CNGA3: variants seen among roughly 807,000 people sequenced by gnomAD.
CNGA3 encodes cyclic nucleotide gated channel subunit alpha 3.
In CNGA3, 42 loss-of-function variants were observed where a neutral mutation model predicts 46.6. That is an observed-to-expected ratio of 0.90 (90% CI 0.70 to 1.17). The LOEUF (loss-of-function observed/expected upper bound fraction) is 1.17, where lower values mean the gene tolerates loss of function less well. CNGA3 is among the 50% of genes most tolerant of loss of function. The probability of loss-of-function intolerance (pLI) is 0.00; values close to 1 mark genes in which losing one functional copy is unlikely to be tolerated. For missense variants in CNGA3, 893 were observed against 890.7 expected (o/e 1.00, Z -0.03); for synonymous variants, 394 against 369.4 (o/e 1.07, Z -0.76).
In CNGA3 at chr2:98,369,241, G is replaced by A. The variant is rs533193261; in HGVS notation, c.-37-698G>A. On this transcript the variant is annotated intron_variant, in intron 1 of 7. Transcript: ENST00000272602. ...GATGGAATTGGTTAGGTCTTATGTC[G>A]TTCACTGACATAATTTTCTTAGTTA... Among the ~76,000 whole-genome samples, 325 of 152,302 alleles carry A rather than the reference G, an allele frequency of 2.1e-3. 1 individual carries two copies. The highest frequency in any genetic ancestry group is 0.012 in the South Asian group (58 of 4,828).
At chr2:98,392,580 A>AAAAGAAAAGG (rs1377892662) in intron 7 of CNGA3, among the ~76,000 whole-genome samples, 1 of 150,774 alleles carries the variant, frequency 6.6e-6, no homozygotes, top group African/African-American at 2.5e-5. Flanking sequence ...AAAAAAAAAG[A>AAAAGAAAAGG]AAAGAAAAGA....
At chr2:98,391,784 CAG>C (rs1558817884) in intron 6 of CNGA3, 78 bp from the exon 7 acceptor site, 7 of 1,362,646 alleles carry the variant, frequency 5.1e-6, no homozygotes, top group Non-Finnish European at 7.3e-6. Context: ...GTCTTCCACA[CAG>C]AGCCCGTGCC....
At position 98,380,130 on chromosome 2, in the gene CNGA3, G is replaced by A. The variant is rs763783538; in HGVS notation, c.216-45G>A. The A allele has an allele frequency of 4.4e-6, 7 of 1,608,668 alleles. No homozygotes were observed. The South Asian group carries it at 7.7e-5, about 18-fold the overall frequency. ...AAAGACTGGGGTTTGGGGGTGTGGG[G>A]GGCTTTTCCTCTCCCTCTGGCTCAG... On this transcript the variant is annotated intron_variant, in intron 3 of 7. Transcript: ENST00000272602.
chr2:98,389,685 C>G lies in CNGA3; in HGVS notation c.477C>G (p.Ile159Met). ...EEKKTKKKDA[I>M]VVDPSSNLYY... ...AGAAGACGAAAAAGAAGGATGCGATCGTGGTGGACCCGTCCAGCAACCTGT... is the reference window on the plus strand; with the variant it reads ...AGAAGACGAAAAAGAAGGATGCGATGGTGGTGGACCCGTCCAGCAACCTGT... Residue 159 changes from isoleucine (I) to methionine (M), a missense_variant, in exon 6 of 8, where the codon ATC (isoleucine) becomes ATG (methionine). This residue lies in a region of CNGA3 where 333 missense variants were observed against 290.8 expected (regional missense o/e 1.15). Coordinates refer to ENST00000272602, the MANE Select transcript of CNGA3 (RefSeq NM_001298.3). 6.2e-7 allele frequency: 1 copy of G among 1,613,868 alleles called. No individual in the cohort carries two copies. Among genetic ancestry groups the G allele is most frequent in the Non-Finnish European group, 8.5e-7 (1 of 1,180,018 alleles).
rs753877028 is a variant in CNGA3, at chr2:98,397,060, G to A, written c.1890G>A (p.Val630=). Residue 630 remains valine (V), a synonymous_variant, in exon 8 of 8, where the codon GTG becomes GTA. Transcript: ENST00000272602. ...GADPKDLEEK[V]EQLGSSLDTL... The stretch of plus-strand genomic sequence containing the variant: ...ACCCCAAGGACCTTGAGGAGAAAGT[G>A]GAGCAGCTGGGGTCCTCCCTGGACA... 6.2e-7 allele frequency: 1 copy of A among 1,614,132 alleles called. No homozygotes were observed. Among genetic ancestry groups the A allele is most frequent in the South Asian group, 1.1e-5 (1 of 91,068 alleles).
chr2:98,371,707 A>T (rs1029725965), intron 2 of CNGA3, among the ~76,000 whole-genome samples: 1 of 152,228 alleles, frequency 6.6e-6, no homozygotes, highest in Non-Finnish European at 1.5e-5. Flanking sequence ...TAGTCCTCTA[A>T]GTTAAGGCAT....
chr2:98,396,524 G>A lies in CNGA3; in HGVS notation c.1354G>A (p.Asp452Asn), dbSNP rs781348502. ...CCTGTGGGCCAACAAGAAGACGGTG[G>A]ATGAGAAGGAGGTGCTCAAGAGCCT... ...DYLWANKKTV[D>N]EKEVLKSLPD... Residue 452 changes from aspartate to asparagine, a missense_variant, in exon 8 of 8, where the codon GAT becomes AAT. Asp to Asn is a conservative substitution (Grantham distance 23). Around this residue, in one of 3 missense-constraint regions of CNGA3, gnomAD observed 548 missense variants for 570.8 expected, o/e 0.96. Transcript: ENST00000272602. 2 of 1,614,060 alleles carry A rather than the reference G, an allele frequency of 1.2e-6. No homozygotes were observed. Among genetic ancestry groups the A allele is most frequent in the Non-Finnish European group, 1.7e-6 (2 of 1,180,022 alleles).
At chr2:98,395,673 A>G (rs1692893440) in intron 7 of CNGA3, among the ~76,000 whole-genome samples, 171 bp from the exon 8 acceptor site, 1 of 152,190 alleles carries the variant, frequency 6.6e-6, no homozygotes, top group African/African-American at 2.4e-5. Flanking sequence ...TAGAATAGAA[A>G]ATATCAGAGT....
intron 6 of CNGA3, 115 bp from the exon 7 acceptor site, chr2:98,391,749 C>T: frequency 2.1e-6 from 2 of 932,502 alleles, no homozygotes; most frequent in Non-Finnish European, 3.5e-6. Context: ...GCAGGCAGGG[C>T]CATTCCCATA....
chr2:98,364,211 C>T (rs1692096794), intron 1 of CNGA3, among the ~76,000 whole-genome samples: 1 of 152,044 alleles, frequency 6.6e-6, no homozygotes, highest in South Asian at 2.1e-4. Context: ...AACCTCATCT[C>T]TACTAAAAAT....
rs147873778 is a variant in CNGA3 at position 98,396,834 on chromosome 2, T to C, written c.1664T>C (p.Ile555Thr). 4 of 1,613,956 alleles carry C rather than the reference T, an allele frequency of 2.5e-6. No homozygotes were observed. The highest frequency in any genetic ancestry group is 1.3e-5 in the African/African-American group (1 of 74,876). Reference sequence around the variant, plus strand: ...TTCGGGGAGATCAGCATTCTGAACATCAAGGGGAGCAAGTCGGGGAACCGC... The same window carrying C: ...TTCGGGGAGATCAGCATTCTGAACACCAAGGGGAGCAAGTCGGGGAACCGC... ...SYFGEISILN[I>T]KGSKSGNRRT... The change falls in exon 8 of 8, where the codon ATC becomes ACC. Residue 555 changes from isoleucine (I) to threonine (T), a missense_variant. Ile to Thr is a moderately conservative substitution (Grantham distance 89). Coordinates refer to ENST00000272602, the MANE Select transcript of CNGA3 (RefSeq NM_001298.3).
intron 1 of CNGA3, among the ~76,000 whole-genome samples, chr2:98,353,711 G>T (rs1691817244): frequency 2.0e-5 from 3 of 152,138 alleles, no homozygotes; most frequent in Admixed American, 6.5e-5. Flanking sequence ...TGAGAACTTG[G>T]TAATTTATAA....
intron 2 of CNGA3, among the ~76,000 whole-genome samples, chr2:98,376,075 C>T (rs1207684667): frequency 6.6e-6 from 1 of 151,870 alleles, no homozygotes; most frequent in Non-Finnish European, 1.5e-5. Flanking sequence ...TCCAAAACAT[C>T]GAGTTACTCA....
intron 5 of CNGA3, among the ~76,000 whole-genome samples, chr2:98,388,705 C>T (rs1000497321): frequency 1.3e-5 from 2 of 152,234 alleles, no homozygotes; most frequent in African/African-American, 2.4e-5. Flanking sequence ...ACAAGTGGGC[C>T]GGCCACACGT....
intron 1 of CNGA3, among the ~76,000 whole-genome samples, chr2:98,347,444 C>G (rs890847042): frequency 6.6e-6 from 1 of 152,204 alleles, no homozygotes; most frequent in Non-Finnish European, 1.5e-5. Flanking sequence ...CTCGCAGTCC[C>G]GCAACCCCGG....
chr2:98,381,215 G>A (rs982493926), intron 4 of CNGA3, among the ~76,000 whole-genome samples: 1 of 152,168 alleles, frequency 6.6e-6, no homozygotes, highest in Non-Finnish European at 1.5e-5. Flanking sequence ...GAAGGGAGGA[G>A]AGGCAAGACG....
At chr2:98,365,016 T>C (rs886812469) in intron 1 of CNGA3, among the ~76,000 whole-genome samples, 13 of 151,670 alleles carry the variant, frequency 8.6e-5, no homozygotes, top group African/African-American at 2.9e-4. Context: ...GTAGGTGACC[T>C]GGCCTTTCTC....
intron 7 of CNGA3, among the ~76,000 whole-genome samples, chr2:98,393,722 T>C (rs1426268829): frequency 6.6e-6 from 1 of 152,084 alleles, no homozygotes; most frequent in Non-Finnish European, 1.5e-5. Flanking sequence ...TGCACCTTCT[T>C]GTGCTTGGGT....
intron 1 of CNGA3, among the ~76,000 whole-genome samples, chr2:98,366,601 C>T (rs993136378): frequency 6.6e-6 from 1 of 152,198 alleles, no homozygotes. Context: ...GAAATTCCAG[C>T]GGGGAGGCCC....
Sources: gnomAD v4.1 joint callset for allele counts (sites outside exome capture counted in the v4.1 genomes callset) on GRCh38, gnomAD v4.1.1 for gene constraint, gnomAD v4.1.1 regional missense constraint, MANE v1.5 for transcripts, NCBI Gene and HGNC (gene_info 2026-07-23, HGNC 2026-07-21) for gene names.